CUL5: variants seen among roughly 807,000 people sequenced by gnomAD.
CUL5 encodes the protein cullin-5.
A neutral mutation model predicts 108.8 loss-of-function variants in CUL5; 26 were observed. The observed-to-expected ratio is 0.24, with a 90% CI of 0.18 to 0.33. CUL5 has a LOEUF of 0.33. Ranked by LOEUF, CUL5 falls within the 10% of genes least tolerant of loss-of-function variation. The probability of loss-of-function intolerance (pLI) is 1.00; values close to 1 mark genes in which losing one functional copy is unlikely to be tolerated. For missense variants in CUL5, 524 were observed against 909.2 expected, an observed-to-expected ratio of 0.58 and a Z score of 5.45; for synonymous variants, 334 against 298.0, an observed-to-expected ratio of 1.12 and a Z score of -1.25.
chr11:108,073,749 T>G (rs1371006176), intron 10 of CUL5: 1 of 231,120 alleles, frequency 4.3e-6, no homozygotes, highest in African/African-American at 2.3e-5. Context: ...AATGTTTTTC[T>G]GTTTTTGAAT....
At chr11:108,086,068 C>G (rs188174573) in intron 11 of CUL5, among the ~76,000 whole-genome samples, 133 of 152,088 alleles carry the variant, frequency 8.7e-4, no homozygotes, top group Admixed American at 3.9e-4. Context: ...GTGTCTAAAA[C>G]CATATATAAT....
intron 7 of CUL5, among the ~76,000 whole-genome samples, chr11:108,066,287 T>C (rs999832365): frequency 6.6e-6 from 1 of 151,962 alleles, no homozygotes; most frequent in African/African-American, 2.4e-5. Flanking sequence ...GAGCTTGCAG[T>C]GAGCCAAGAT....
intron 2 of CUL5, among the ~76,000 whole-genome samples, chr11:108,036,012 C>T (rs558613780): frequency 3.0e-4 from 45 of 152,270 alleles, no homozygotes; most frequent in African/African-American, 1.1e-3. Context: ...TGTCCTAAGT[C>T]CTTTTTACCT....
intron 13 of CUL5, among the ~76,000 whole-genome samples, 184 bp downstream of exon 13, chr11:108,089,807 A>G (rs1395595830): frequency 2.0e-5 from 3 of 152,200 alleles, no homozygotes; most frequent in Non-Finnish European, 4.4e-5. Flanking sequence ...TGGGAGGCCG[A>G]GGCAGGTGGA....
Position 108,098,532 on chromosome 11 carries a change from T to A in CUL5, c.2148+3T>A. The A allele has an allele frequency of 4.6e-6, 7 of 1,525,366 alleles. No individual in the cohort carries two copies. Among genetic ancestry groups the A allele is most frequent in the Non-Finnish European group, 6.1e-6 (7 of 1,141,426 alleles). The allele number at this position is 1,525,366 out of a possible 1,614,324, so 94.5% of individuals were successfully genotyped here. A position where few individuals can be genotyped will look rare whatever the true frequency, so the allele number is the denominator to read the frequency against. ...AACTACGAATACTAAGAACCCAGGTTTGTAATGTTGACAGAATGTCTGAAG... is the reference window on the plus strand; with the variant it reads ...AACTACGAATACTAAGAACCCAGGTATGTAATGTTGACAGAATGTCTGAAG... On this transcript the variant is annotated splice_donor_region_variant and intron_variant, in intron 18 of 18. Transcript: ENST00000393094.
intron 15 of CUL5, 93 bp downstream of exon 15, chr11:108,095,080 T>C: frequency 9.2e-7 from 1 of 1,081,590 alleles, no homozygotes; most frequent in South Asian, 1.7e-5. Context: ...GATTTTTGCC[T>C]CTCTCACATG....
At chr11:108,016,492 A>G (rs1198671866) in intron 1 of CUL5, among the ~76,000 whole-genome samples, 2 of 151,912 alleles carry the variant, frequency 1.3e-5, no homozygotes, top group East Asian at 3.9e-4. Context: ...GGGCTCAAGC[A>G]ATCTGCCCTG....
At chr11:108,032,479 G>A (rs1318084845) in intron 1 of CUL5, among the ~76,000 whole-genome samples, 1 of 152,156 alleles carries the variant, frequency 6.6e-6, no homozygotes, top group Non-Finnish European at 1.5e-5. Context: ...CTGCCCTCCA[G>A]CCTGGGTGAC....
At chr11:108,031,485 G>A (rs1041210852) in intron 1 of CUL5, among the ~76,000 whole-genome samples, 1 of 152,134 alleles carries the variant, frequency 6.6e-6, no homozygotes, top group Non-Finnish European at 1.5e-5. Context: ...GTATAAGAAA[G>A]GGGTCTGGTT....
At chr11:108,015,914 A>G (rs934385078) in intron 1 of CUL5, among the ~76,000 whole-genome samples, 12 of 151,956 alleles carry the variant, frequency 7.9e-5, no homozygotes, top group Non-Finnish European at 1.5e-4. Flanking sequence ...GTAAAAAGAG[A>G]GGTTTTGTTT....
chr11:108,075,731 A>G (rs1863925670), intron 10 of CUL5, among the ~76,000 whole-genome samples: 1 of 152,120 alleles, frequency 6.6e-6, no homozygotes, highest in African/African-American at 2.4e-5. Context: ...TAGAGACAAC[A>G]TCTAGCTATG....
intron 1 of CUL5, among the ~76,000 whole-genome samples, chr11:108,024,459 A>G (rs1346363829): frequency 6.6e-6 from 1 of 152,220 alleles, no homozygotes; most frequent in Non-Finnish European, 1.5e-5. Context: ...GAATAATATC[A>G]CTGAACACAT....
chr11:108,027,374 C>T (rs982704902), intron 1 of CUL5, among the ~76,000 whole-genome samples: 10 of 151,910 alleles, frequency 6.6e-5, no homozygotes, highest in Admixed American at 6.6e-4. Context: ...CAGGTTCAAG[C>T]AATTCTCCCA....
At position 108,009,254 on chromosome 11, in the gene CUL5, C is replaced by T; in HGVS notation, c.-95C>T. On this transcript the variant is annotated 5_prime_UTR_variant, in exon 1 of 19. Transcript: ENST00000393094. ...CACACCCTGGTGCGGGCCGACGGGC[C>T]CTGGGCCCTGGTGGGAGCTCCGGCC... 2.1e-6 allele frequency: 3 copies of T among 1,413,180 alleles called. No individual in the cohort carries two copies. Among genetic ancestry groups the T allele is most frequent in the South Asian group, 1.2e-5 (1 of 84,638 alleles). 87.5% of individuals were successfully genotyped at this position (1,413,180 alleles called of 1,614,324 possible). A position where few individuals can be genotyped will look rare whatever the true frequency, so the allele number is the denominator to read the frequency against.
At chr11:108,066,284 C>T (rs766514769) in intron 7 of CUL5, among the ~76,000 whole-genome samples, 2 of 152,004 alleles carry the variant, frequency 1.3e-5, no homozygotes, top group African/African-American at 2.4e-5. Flanking sequence ...GCAGAGCTTG[C>T]AGTGAGCCAA....
intron 7 of CUL5, among the ~76,000 whole-genome samples, chr11:108,063,084 A>G (rs1157689706): frequency 2.0e-5 from 3 of 152,080 alleles, no homozygotes; most frequent in Non-Finnish European, 1.5e-5. Flanking sequence ...ACCTCAGGCA[A>G]TCCACCTGGC....
At chr11:108,080,162 T>C (rs1565262306) in intron 11 of CUL5, among the ~76,000 whole-genome samples, 1 of 151,118 alleles carries the variant, frequency 6.6e-6, no homozygotes, top group South Asian at 2.1e-4. Flanking sequence ...TGAAGGGTGA[T>C]CATAGCTCAC....
intron 7 of CUL5, among the ~76,000 whole-genome samples, chr11:108,065,450 G>T (rs1359905024): frequency 6.6e-6 from 1 of 152,150 alleles, no homozygotes; most frequent in Non-Finnish European, 1.5e-5. Context: ...ATAGTGCGAG[G>T]CTTGCTAGAA....
chr11:108,042,240 G>A (rs1319643704), intron 2 of CUL5, among the ~76,000 whole-genome samples: 10 of 88,494 alleles, frequency 1.1e-4, no homozygotes, highest in Admixed American at 7.3e-4. Context: ...TTTTTTTTGA[G>A]ACAGAGTCTT....
Sources: allele counts gnomAD v4.1 joint callset (sites outside exome capture counted in the v4.1 genomes callset), GRCh38; gene constraint gnomAD v4.1.1; transcripts MANE v1.5; gene names NCBI Gene and HGNC (gene_info 2026-07-23, HGNC 2026-07-21).